Variants in LRRC17 observed in about 807,000 individuals in gnomAD.
LRRC17 encodes the protein leucine-rich repeat-containing protein 17.
In LRRC17, 33 loss-of-function variants were observed where a neutral mutation model predicts 41.5. That is an observed-to-expected ratio of 0.80 (90% CI 0.60 to 1.06). LRRC17 has a LOEUF of 1.06. LRRC17 is among the 50% of genes least tolerant of loss of function. LRRC17 has a pLI of 0.00. For missense variants in LRRC17, 491 were observed against 519.3 expected (o/e 0.95, Z 0.53); for synonymous variants, 192 against 197.0 (o/e 0.97, Z 0.21).
At chr7:102,941,524 TG>T (rs1398890215) in intron 3 of LRRC17, among the ~76,000 whole-genome samples, 4 of 152,160 alleles carry the variant, frequency 2.6e-5, no homozygotes, top group Admixed American at 6.5e-5. Context: ...CAGCTCTGCA[TG>T]AATTACTCTT....
At chr7:102,931,195 C>A (rs898006466) in intron 1 of LRRC17, among the ~76,000 whole-genome samples, 2 of 152,154 alleles carry the variant, frequency 1.3e-5, no homozygotes, top group Non-Finnish European at 2.9e-5. Flanking sequence ...CAAGGAGCAA[C>A]TTGGAGCATG....
chr7:102,913,225 C>A (rs1815115038), intron 1 of LRRC17, 80 bp downstream of exon 1: 1 of 1,613,984 alleles, frequency 6.2e-7, no homozygotes, highest in Non-Finnish European at 8.5e-7. Context: ...CCTGAAAAGA[C>A]AAAAGAGAGG....
Position 102,928,214 on chromosome 7 carries a change from G to A in LRRC17, c.-140-5560G>A, listed in dbSNP as rs879597780. ...GGTAATGCATTCTCTACATTTTCCT[G>A]TCTAAAGAAGCTTGAACATCCAAAC... On this transcript the variant is annotated intron_variant, in intron 1 of 3. Transcript: ENST00000339431. Among the ~76,000 whole-genome samples the A allele has an allele frequency of 1.4e-4, 22 of 152,266 alleles. 1 individual carries two copies. The highest frequency in any genetic ancestry group is 2.1e-4 in the South Asian group (1 of 4,816).
chr7:102,918,496 TA>T (rs943937613), intron 1 of LRRC17, among the ~76,000 whole-genome samples: 1 of 152,200 alleles, frequency 6.6e-6, no homozygotes, highest in African/African-American at 2.4e-5. Context: ...TGTTTTAAGT[TA>T]AAAAATAATT....
chr7:102,923,837 T>C (rs1406349095), intron 1 of LRRC17, among the ~76,000 whole-genome samples: 1 of 151,642 alleles, frequency 6.6e-6, no homozygotes, highest in African/African-American at 2.4e-5. Context: ...AATAAATAAA[T>C]AAATAAAAAG....
chr7:102,943,705 T>C (rs867695823), intron 3 of LRRC17, among the ~76,000 whole-genome samples: 1 of 152,138 alleles, frequency 6.6e-6, no homozygotes, highest in African/African-American at 2.4e-5. Context: ...CCATTACATA[T>C]ACGTTTTCAG....
At position 102,934,058 on chromosome 7, in the gene LRRC17, G is replaced by A. The variant is rs773790070; in HGVS notation, c.145G>A (p.Ala49Thr). Reference protein sequence around the residue: ...RRGSNPVKRYAPGLPCDVYTY... With the variant: ...RRGSNPVKRYTPGLPCDVYTY... ...AGGCTCCAACCCGGTCAAACGCTAC[G>A]CACCAGGCCTCCCGTGTGACGTGTA... Residue 49 changes from alanine (A) to threonine (T), a missense_variant, in exon 2 of 4, where the codon GCA (alanine) becomes ACA (threonine). Physicochemically the swap from Ala to Thr is moderately conservative, Grantham distance 58 (BLOSUM62 0). Transcript: ENST00000339431. 2.5e-6 allele frequency: 4 copies of A among 1,614,038 alleles called. No homozygotes were observed. The East Asian group carries it at 6.7e-5, about 27-fold the overall frequency.
At chr7:102,924,862 C>T (rs1817786137) in intron 1 of LRRC17, among the ~76,000 whole-genome samples, 1 of 151,982 alleles carries the variant, frequency 6.6e-6, no homozygotes, top group African/African-American at 2.4e-5. Flanking sequence ...ATCTCCTGAC[C>T]TCATGATCCA....
In LRRC17 at chr7:102,931,758, A is replaced by G. The variant is rs1819219082; in HGVS notation, c.-140-2016A>G. ...GTAAAATTTCTTGTCAATGTTTAACATAGTTTGCTCTTTTCCACATTGAAT... is the reference window on the plus strand; with the variant it reads ...GTAAAATTTCTTGTCAATGTTTAACGTAGTTTGCTCTTTTCCACATTGAAT... On this transcript the variant is annotated intron_variant, in intron 1 of 3. Coordinates refer to ENST00000339431, the MANE Select transcript of LRRC17 (RefSeq NM_001031692.3). 3.7e-6 allele frequency: 3 copies of G among 803,158 alleles called. No homozygotes were observed. The African/African-American group carries it at 5.2e-5, about 14-fold the overall frequency. 49.8% of individuals were successfully genotyped at this position (803,158 alleles called of 1,614,324 possible). A position where few individuals can be genotyped will look rare whatever the true frequency, so the allele number is the denominator to read the frequency against.
intron 2 of LRRC17, 105 bp downstream of exon 2, chr7:102,934,790 C>A: frequency 1.9e-6 from 2 of 1,040,820 alleles, no homozygotes; most frequent in Non-Finnish European, 1.4e-6. Flanking sequence ...CGTGATGTCA[C>A]TTCCACCAGA....
intron 3 of LRRC17, chr7:102,942,488 GT>G (rs1821656416): frequency 3.8e-6 from 2 of 528,992 alleles, no homozygotes; most frequent in Non-Finnish European, 6.5e-6. Flanking sequence ...ACTAAAACTA[GT>G]TTTCTCAAGT....
chr7:102,926,204 A>G, intron 1 of LRRC17: 1 of 1,324,854 alleles, frequency 7.5e-7, no homozygotes, highest in Non-Finnish European at 1.1e-6. Context: ...CCCTTGCAGA[A>G]TGCTAGAGCA....
intron 2 of LRRC17, among the ~76,000 whole-genome samples, chr7:102,935,247 T>C (rs1184703761): frequency 1.2e-4 from 4 of 34,714 alleles, no homozygotes; most frequent in African/African-American, 1.9e-4. Flanking sequence ...TCTTTCTTTT[T>C]TTTTTTTTTT....
Position 102,935,386 on chromosome 7 carries a change from A to T in LRRC17, c.772+701A>T, listed in dbSNP as rs189579906. On this transcript the variant is annotated intron_variant, in intron 2 of 3. Coordinates refer to ENST00000339431, the MANE Select transcript of LRRC17 (RefSeq NM_001031692.3). ...CCTGCCTCAGCCTCTCGAGTAGCTG[A>T]TTTTAATAAATGCCTCTTAACATCC... Among the ~76,000 whole-genome samples, 253 of 151,074 alleles carry T rather than the reference A, an allele frequency of 1.7e-3. 1 individual carries two copies. The highest frequency in any genetic ancestry group is 6.0e-3 in the African/African-American group (248 of 41,132).
chr7:102,939,443 G>A lies in LRRC17; in HGVS notation c.786G>A (p.Val262=), dbSNP rs1357243630. 1.2e-6 allele frequency: 2 copies of A among 1,605,144 alleles called. No individual in the cohort carries two copies. Among genetic ancestry groups the A allele is most frequent in the East Asian group, 4.5e-5 (2 of 44,820 alleles). ...LDCKRKELKK[V]PNNIPPDIVK... ...TAAATTTTCCAGAGTTGAAAAAAGT[G>A]CCAAACAACATCCCTCCAGATATTG... The change falls in exon 3 of 4, where the codon GTG becomes GTA. Residue 262 remains valine (V), a synonymous_variant. Coordinates refer to ENST00000339431, the MANE Select transcript of LRRC17 (RefSeq NM_001031692.3).
At chr7:102,930,648 A>G (rs913180330) in intron 1 of LRRC17, among the ~76,000 whole-genome samples, 1 of 152,104 alleles carries the variant, frequency 6.6e-6, no homozygotes. Context: ...TCATTTTGTG[A>G]TACCTCTTCA....
intron 1 of LRRC17, chr7:102,931,790 T>C: frequency 8.2e-7 from 1 of 1,220,526 alleles, no homozygotes; most frequent in Non-Finnish European, 1.2e-6. Context: ...GAATCCCAAA[T>C]AAGCACACAA....
chr7:102,922,149 C>T (rs537480299), intron 1 of LRRC17, among the ~76,000 whole-genome samples: 1 of 150,270 alleles, frequency 6.7e-6, no homozygotes, highest in Non-Finnish European at 1.5e-5. Context: ...GAGGTCGTGC[C>T]ACTGCATTCC....
chr7:102,916,116 T>C (rs1427380434), intron 1 of LRRC17, among the ~76,000 whole-genome samples: 1 of 152,132 alleles, frequency 6.6e-6, no homozygotes, highest in Non-Finnish European at 1.5e-5. Context: ...CCCAAGTAGC[T>C]GGGATTACAG....
Sources: allele counts gnomAD v4.1 joint callset (sites outside exome capture counted in the v4.1 genomes callset), GRCh38; gene constraint gnomAD v4.1.1; transcripts MANE v1.5; gene names NCBI Gene and HGNC (gene_info 2026-07-23, HGNC 2026-07-21).